Variants in TENM2 observed in about 807,000 individuals in gnomAD.
TENM2 encodes teneurin transmembrane protein 2.
In TENM2, 52 loss-of-function variants were observed where a neutral mutation model predicts 245.2. That is an observed-to-expected ratio of 0.21 (90% CI 0.17 to 0.27). The LOEUF (loss-of-function observed/expected upper bound fraction) is 0.27, where lower values mean the gene tolerates loss of function less well. Ranked by LOEUF, TENM2 falls within the 10% of genes least tolerant of loss-of-function variation. TENM2 has a pLI of 1.00. For missense variants in TENM2, 3,046 were observed against 3,666.8 expected, an observed-to-expected ratio of 0.83 and a Z score of 4.37; for synonymous variants, 1,363 against 1,438.9, an observed-to-expected ratio of 0.95 and a Z score of 1.19.
At chr5:167,771,140 T>TCA (rs1763378230) in intron 2 of TENM2, among the ~76,000 whole-genome samples, 1 of 152,076 alleles carries the variant, frequency 6.6e-6, no homozygotes, top group African/African-American at 2.4e-5. Flanking sequence ...GGTCACTCTC[T>TCA]CTCTCTCTCT....
chr5:167,417,056 A>G (rs1351702616), intron 2 of TENM2, among the ~76,000 whole-genome samples: 2 of 152,250 alleles, frequency 1.3e-5, no homozygotes, highest in East Asian at 3.9e-4. Context: ...ATCTTATTTT[A>G]TGTCTTAGCC....
the TENM2 span, among the ~76,000 whole-genome samples, chr5:167,179,706 A>G: frequency 1.3e-5 from 2 of 152,098 alleles, no homozygotes; most frequent in African/African-American, 2.4e-5. Context: ...AGGACAATAG[A>G]AGAAATTCAG....
intron 2 of TENM2, among the ~76,000 whole-genome samples, chr5:167,649,810 A>T (rs1384448654): frequency 1.3e-5 from 2 of 152,208 alleles, no homozygotes; most frequent in Admixed American, 6.5e-5. Context: ...TCCTCCTCCT[A>T]TAAGTAGTAG....
At chr5:167,289,976 C>T (rs10043619) in intron 1 of TENM2, among the ~76,000 whole-genome samples, 27,660 of 152,150 alleles carry the variant, frequency 0.18, 3,650 homozygotes, top group African/African-American at 0.38. Flanking sequence ...TGGTCAGTAT[C>T]TTGAAGGCTG....
At chr5:167,148,457 A>T in the TENM2 span, among the ~76,000 whole-genome samples, 2 of 152,188 alleles carry the variant, frequency 1.3e-5, no homozygotes, top group Non-Finnish European at 2.9e-5. Context: ...GTGAGTTTAT[A>T]TATTTCTTTA....
chr5:167,180,275 C>T, the TENM2 span, among the ~76,000 whole-genome samples: 5 of 151,682 alleles, frequency 3.3e-5, no homozygotes, highest in African/African-American at 4.8e-5. Flanking sequence ...ACACGGGGCT[C>T]ATTTTGTATT....
intron 3 of TENM2, among the ~76,000 whole-genome samples, chr5:167,884,526 C>G (rs1487432298): frequency 6.6e-6 from 1 of 152,170 alleles, no homozygotes; most frequent in African/African-American, 2.4e-5. Context: ...ATTTATTTCA[C>G]TTAGCATAAT....
At chr5:167,705,967 A>T (rs1487985015) in intron 2 of TENM2, among the ~76,000 whole-genome samples, 3 of 75,570 alleles carry the variant, frequency 4.0e-5, no homozygotes, top group East Asian at 6.8e-4. Flanking sequence ...AGGCTGGGTT[A>T]TATATATATA....
intron 5 of TENM2, among the ~76,000 whole-genome samples, chr5:168,003,500 G>A (rs1293333480): frequency 6.6e-6 from 1 of 152,098 alleles, no homozygotes; most frequent in Non-Finnish European, 1.5e-5. Flanking sequence ...GAGAAACTAG[G>A]AAATGCCATA....
chr5:166,996,721 C>T, the TENM2 span, among the ~76,000 whole-genome samples: 1 of 152,168 alleles, frequency 6.6e-6, no homozygotes, highest in South Asian at 2.1e-4. Context: ...CTATGTGAAC[C>T]AAGGAAAGAT....
chr5:167,591,588 G>T (rs1471981504), intron 2 of TENM2, among the ~76,000 whole-genome samples: 3 of 152,168 alleles, frequency 2.0e-5, no homozygotes, highest in African/African-American at 7.2e-5. Context: ...GATTAGTAGT[G>T]GTTGTAGTTG....
intron 2 of TENM2, among the ~76,000 whole-genome samples, chr5:167,627,907 C>A (rs939504495): frequency 6.6e-6 from 1 of 152,152 alleles, no homozygotes; most frequent in African/African-American, 2.4e-5. Context: ...ACAGAGAGAT[C>A]CACATTATTT....
chr5:167,487,414 T>G (rs1768143471), intron 2 of TENM2, among the ~76,000 whole-genome samples: 1 of 152,184 alleles, frequency 6.6e-6, no homozygotes, highest in South Asian at 2.1e-4. Flanking sequence ...TGTATTTGTG[T>G]GTGTATGCTT....
intron 27 of TENM2, among the ~76,000 whole-genome samples, chr5:168,257,543 C>A (rs1767778781): frequency 6.6e-6 from 1 of 151,566 alleles, no homozygotes; most frequent in Non-Finnish European, 1.5e-5. Flanking sequence ...AGGACTTTGG[C>A]TTTTTCAATG....
At chr5:167,134,199 GA>G in the TENM2 span, among the ~76,000 whole-genome samples, 3 of 152,076 alleles carry the variant, frequency 2.0e-5, no homozygotes, top group Admixed American at 1.3e-4. Flanking sequence ...TATTGATTTG[GA>G]AAAAAATAAT....
intron 2 of TENM2, among the ~76,000 whole-genome samples, chr5:167,756,532 T>C (rs1367686974): frequency 1.3e-5 from 2 of 152,118 alleles, no homozygotes; most frequent in Non-Finnish European, 2.9e-5. Flanking sequence ...TTTACCTCAA[T>C]CTGAGTAGAA....
chr5:168,190,427 A>G (rs765364714), exon 14 of TENM2: 1 of 1,613,946 alleles, frequency 6.2e-7, no homozygotes, highest in East Asian at 2.2e-5. Flanking sequence ...GACCCACTGG[A>G]CATCATTCAG....
chr5:167,564,434 G>T (rs1201601772), intron 2 of TENM2, among the ~76,000 whole-genome samples: 2 of 152,170 alleles, frequency 1.3e-5, no homozygotes, highest in East Asian at 3.9e-4. Context: ...GAAGACTTGG[G>T]CTCCTCTGAG....
chr5:167,157,214 C>G, the TENM2 span, among the ~76,000 whole-genome samples: 2 of 152,078 alleles, frequency 1.3e-5, no homozygotes, highest in Non-Finnish European at 2.9e-5. Flanking sequence ...TGTTCTTCAG[C>G]GTTTGTGTTT....
Sources: allele counts gnomAD v4.1 joint callset (sites outside exome capture counted in the v4.1 genomes callset), GRCh38; gene constraint gnomAD v4.1.1; transcripts MANE v1.5; gene names NCBI Gene and HGNC (gene_info 2026-07-23, HGNC 2026-07-21).